The following SCOC variants were observed in gnomAD, a reference collection of about 807,000 sequenced individuals.
SCOC encodes short coiled coil protein.
Under a neutral mutation model 9.9 loss-of-function variants are expected in SCOC, and 7 were observed. That is an observed-to-expected ratio of 0.71 (90% CI 0.40 to 1.33). The LOEUF (loss-of-function observed/expected upper bound fraction) is 1.33, where lower values mean the gene tolerates loss of function less well. SCOC is among the 40% of genes most tolerant of loss of function. The probability of loss-of-function intolerance (pLI) is 0.01; values close to 1 mark genes in which losing one functional copy is unlikely to be tolerated. For missense variants in SCOC, 66 were observed against 89.7 expected, an observed-to-expected ratio of 0.74 and a Z score of 1.07; for synonymous variants, 19 against 28.2, an observed-to-expected ratio of 0.67 and a Z score of 1.03.
At chr4:140,360,895 C>T (rs900666430) in intron 2 of SCOC, 3 of 152,220 alleles carry the variant, frequency 2.0e-5, no homozygotes, top group African/African-American at 4.8e-5. Context: ...ATCTCCAGCT[C>T]GTGTGGTTCT....
In SCOC at chr4:140,384,246, T is replaced by G. The variant is rs1728644707; in HGVS notation, c.*3142T>G. 6.6e-6 allele frequency: 1 copy of G among 152,238 alleles called. No homozygotes were observed. Among genetic ancestry groups the G allele is most frequent in the Non-Finnish European group, 1.5e-5 (1 of 68,046 alleles). The allele number at this position is 152,238 out of a possible 1,614,324, so 9.4% of individuals were successfully genotyped here. On this transcript the variant is annotated 3_prime_UTR_variant, in exon 4 of 4. Coordinates refer to ENST00000608372, the MANE Select transcript of SCOC (RefSeq NM_001153484.2). Reference sequence around the variant, plus strand: ...AGGTGTCAAAATATATCCCCACTGCTTGTCATGTTAATGGTAAGCTAATGC... The same window carrying G: ...AGGTGTCAAAATATATCCCCACTGCGTGTCATGTTAATGGTAAGCTAATGC...
rs928997015 is a variant in SCOC at position 140,381,729 on chromosome 4, A to G, written c.*625A>G. The G allele has an allele frequency of 6.6e-6, 1 of 152,228 alleles. No homozygotes were observed. Among genetic ancestry groups the G allele is most frequent in the African/African-American group, 2.4e-5 (1 of 41,464 alleles). The allele number at this position is 152,228 out of a possible 1,614,324, so 9.4% of individuals were successfully genotyped here. On this transcript the variant is annotated 3_prime_UTR_variant, in exon 4 of 4. Transcript: ENST00000608372. ...TGTCTCTTTAATTAATTGGAAATAG[A>G]TGGAGGCTAAAAATGAAGGTTTTTC...
chr4:140,374,213 C>T (rs900466057), intron 1 of SCOC: 14 of 455,184 alleles, frequency 3.1e-5, no homozygotes, highest in African/African-American at 2.0e-4. Flanking sequence ...GCGGCGAAAG[C>T]GGCACCTGGG....
intron 2 of SCOC, among the ~76,000 whole-genome samples, chr4:140,354,550 A>C (rs2126536366): frequency 6.9e-6 from 1 of 144,536 alleles, no homozygotes; most frequent in South Asian, 2.2e-4. Flanking sequence ...ATTTTTTACC[A>C]ACACAAACAG....
rs1006201750 is a variant in SCOC, at chr4:140,307,008, G to C, written c.-18-36613G>C. On this transcript the variant is annotated intron_variant, in intron 1 of 4. Transcript: ENST00000394205. ...AGTCCCCAACATGGTGCAATTAAGA[G>C]ATGGGGCCTTGGGAGGTGATTAATG... 3.3e-5 allele frequency among the ~76,000 whole-genome samples: 5 copies of C among 152,298 alleles called. No individual in the cohort carries two copies. The South Asian group carries it at 8.3e-4, about 25-fold the overall frequency.
At chr4:140,373,182 G>A (rs1343553385), upstream of SCOC, 1 of 684,540 alleles carries the variant, frequency 1.5e-6, no homozygotes, top group African/African-American at 1.9e-5. Context: ...AAGGAACGAC[G>A]GTGTCGCGTT....
intron 2 of SCOC, chr4:140,366,232 CCT>C (rs34716549): frequency 0.95 from 986,143 of 1,035,472 alleles, 470,615 homozygotes; most frequent in East Asian, 0.99. Flanking sequence ...TTTCTAATCA[CCT>C]CTTTCTTGCC....
chr4:140,342,514 G>C (rs925540363), upstream of SCOC, among the ~76,000 whole-genome samples: 1 of 152,110 alleles, frequency 6.6e-6, no homozygotes, highest in South Asian at 2.1e-4. Flanking sequence ...TTCTATTCTA[G>C]TGAATTTAAT....
At chr4:140,297,889 C>T (rs56062225) in intron 1 of SCOC, among the ~76,000 whole-genome samples, 38,939 of 152,064 alleles carry the variant, frequency 0.26, 5,863 homozygotes, top group African/African-American at 0.43. Flanking sequence ...TTGGATCACA[C>T]GTCACAGGTA....
chr4:140,363,698 C>T (rs1468615292), intron 2 of SCOC, among the ~76,000 whole-genome samples: 1 of 152,192 alleles, frequency 6.6e-6, no homozygotes, highest in East Asian at 1.9e-4. Context: ...GCTGCTATTG[C>T]TGTGAGCTTA....
intron 1 of SCOC, among the ~76,000 whole-genome samples, chr4:140,374,847 T>C (rs905935067): frequency 6.6e-5 from 10 of 152,346 alleles, no homozygotes; most frequent in East Asian, 3.9e-4. Flanking sequence ...CTGAAAGATA[T>C]ATAGACTTTC....
At chr4:140,332,359 CTTTT>C (rs70943486) in intron 1 of SCOC, among the ~76,000 whole-genome samples, 4 of 76,830 alleles carry the variant, frequency 5.2e-5, no homozygotes, top group Admixed American at 1.8e-4. Context: ...CTGGAGTCAT[CTTTT>C]TTTTTTTTTT....
intron 2 of SCOC, among the ~76,000 whole-genome samples, chr4:140,363,312 C>T (rs1029932945): frequency 6.6e-6 from 1 of 152,138 alleles, no homozygotes; most frequent in South Asian, 2.1e-4. Flanking sequence ...CTTTGAACAC[C>T]ATGGGTTTGA....
intron 1 of SCOC, among the ~76,000 whole-genome samples, chr4:140,265,259 G>A (rs981962245): frequency 2.0e-5 from 3 of 152,108 alleles, no homozygotes; most frequent in Non-Finnish European, 2.9e-5. Context: ...CCCAAAAGTC[G>A]GTCCCTGAGT....
intron 1 of SCOC, among the ~76,000 whole-genome samples, chr4:140,268,867 C>T (rs1257686546): frequency 1.3e-5 from 2 of 152,096 alleles, no homozygotes; most frequent in African/African-American, 4.8e-5. Flanking sequence ...GGACTGTGTC[C>T]TTGGGGGATG....
At chr4:140,364,080 G>C (rs898664818) in intron 2 of SCOC, among the ~76,000 whole-genome samples, 4 of 152,076 alleles carry the variant, frequency 2.6e-5, no homozygotes, top group Non-Finnish European at 4.4e-5. Context: ...AGCTATCACT[G>C]CAGCTACACC....
chr4:140,321,501 A>G (rs990214189), intron 1 of SCOC, among the ~76,000 whole-genome samples: 1 of 152,228 alleles, frequency 6.6e-6, no homozygotes, highest in African/African-American at 2.4e-5. Flanking sequence ...ACAAGAAAGA[A>G]TCAACTAAAA....
chr4:140,270,447 C>T (rs1431238073), intron 1 of SCOC, among the ~76,000 whole-genome samples: 1 of 152,152 alleles, frequency 6.6e-6, no homozygotes, highest in Non-Finnish European at 1.5e-5. Context: ...GATCCTCCCA[C>T]CTTACCCTCC....
chr4:140,374,653 G>A (rs539263517), intron 1 of SCOC, among the ~76,000 whole-genome samples: 2 of 152,304 alleles, frequency 1.3e-5, no homozygotes, highest in South Asian at 2.1e-4. Context: ...TTTATTTTCA[G>A]TTGCTTAGTA....
Sources: gnomAD v4.1 joint callset for allele counts (sites outside exome capture counted in the v4.1 genomes callset) on GRCh38, gnomAD v4.1.1 for gene constraint, MANE v1.5 for transcripts, NCBI Gene and HGNC (gene_info 2026-07-23, HGNC 2026-07-21) for gene names.